Variants in PDE3A observed in about 807,000 individuals in gnomAD.
The protein encoded by PDE3A is phosphodiesterase 3A, also known as cGMP-inhibited 3',5'-cyclic phosphodiesterase 3A.
A neutral mutation model predicts 98.3 loss-of-function variants in PDE3A; 43 were observed. The ratio of observed to expected loss-of-function variants is 0.44; its 90% CI spans 0.34 to 0.56. PDE3A has a LOEUF of 0.56. PDE3A is among the 20% of genes least tolerant of loss of function. PDE3A has a pLI of 0.01. For synonymous variants in PDE3A, 663 were observed against 567.9 expected (o/e 1.17, Z -2.38); for missense variants, 1,427 against 1,440.7 (o/e 0.99, Z 0.15).
At chr12:20,590,871 C>T (rs1288241410) in intron 2 of PDE3A, among the ~76,000 whole-genome samples, 1 of 152,178 alleles carries the variant, frequency 6.6e-6, no homozygotes, top group Non-Finnish European at 1.5e-5. Flanking sequence ...ATGTGTGTTT[C>T]ATGTTTCTCC....
At chr12:20,652,744 A>AT (rs2121519099) in intron 14 of PDE3A, among the ~76,000 whole-genome samples, 1 of 152,270 alleles carries the variant, frequency 6.6e-6, no homozygotes, top group East Asian at 1.9e-4. Flanking sequence ...CCTAGGCAAT[A>AT]CCATTCAGGA....
At chr12:20,486,459 G>A (rs990159099) in intron 1 of PDE3A, among the ~76,000 whole-genome samples, 2 of 152,124 alleles carry the variant, frequency 1.3e-5, no homozygotes, top group Admixed American at 1.3e-4. Context: ...AATTCAAGAT[G>A]AGATTTTGAG....
chr12:20,391,056 T>G (rs949411595), intron 1 of PDE3A, among the ~76,000 whole-genome samples: 1 of 151,902 alleles, frequency 6.6e-6, no homozygotes, highest in South Asian at 2.1e-4. Flanking sequence ...CAATATACTG[T>G]TGTAACCTTT....
chr12:20,407,630 A>G lies in PDE3A; in HGVS notation c.960+37386A>G, dbSNP rs1477672519. On this transcript the variant is annotated intron_variant, in intron 1 of 15. Transcript: ENST00000359062. The stretch of plus-strand genomic sequence containing the variant: ...AGATGGGGTAGATGCAAGAAGATAT[A>G]CCAGCATTCCCAATTCCTTCCAATA... 2.6e-5 allele frequency among the ~76,000 whole-genome samples: 4 copies of G among 152,186 alleles called. No homozygotes were observed. The South Asian group carries it at 8.3e-4, about 31-fold the overall frequency.
In PDE3A at chr12:20,519,451, G is replaced by T. The variant is rs11045290; in HGVS notation, c.961-37209G>T. Reference sequence around the variant, plus strand: ...AATATATATCTCAATTTTGATATCCGCAATAATAAAGGATAGTGAATAAAA... The same window carrying T: ...AATATATATCTCAATTTTGATATCCTCAATAATAAAGGATAGTGAATAAAA... On this transcript the variant is annotated intron_variant, in intron 1 of 15. Coordinates refer to ENST00000359062, the MANE Select transcript of PDE3A (RefSeq NM_000921.5). Among the ~76,000 whole-genome samples the T allele has an allele frequency of 2.0e-3, 305 of 152,166 alleles. 1 individual carries two copies. In the East Asian group the frequency reaches 0.028, roughly 14 times the overall value.
intron 9 of PDE3A, among the ~76,000 whole-genome samples, chr12:20,639,229 TAA>T (rs1262688797): frequency 2.0e-5 from 3 of 152,084 alleles, no homozygotes; most frequent in Non-Finnish European, 4.4e-5. Context: ...AAATATTTTC[TAA>T]GAGTCATGGA....
intron 1 of PDE3A, among the ~76,000 whole-genome samples, chr12:20,387,046 T>C (rs1165850381): frequency 6.6e-6 from 1 of 152,150 alleles, no homozygotes; most frequent in African/African-American, 2.4e-5. Flanking sequence ...TGCCCATTGC[T>C]TGTTTTTGTC....
At chr12:20,390,792 T>G (rs1182232049) in intron 1 of PDE3A, among the ~76,000 whole-genome samples, 2 of 151,974 alleles carry the variant, frequency 1.3e-5, no homozygotes, top group East Asian at 3.9e-4. Flanking sequence ...TTTTCCTGAT[T>G]AGTATGTACA....
At chr12:20,417,827 G>A (rs1462197086) in intron 1 of PDE3A, among the ~76,000 whole-genome samples, 1 of 152,176 alleles carries the variant, frequency 6.6e-6, no homozygotes, top group Non-Finnish European at 1.5e-5. Context: ...TAATCTCTGA[G>A]TTTTGTTATA....
intron 2 of PDE3A, among the ~76,000 whole-genome samples, chr12:20,576,774 T>A (rs545381391): frequency 1.3e-5 from 2 of 152,274 alleles, no homozygotes; most frequent in African/African-American, 4.8e-5. Flanking sequence ...GAGAATGTTA[T>A]TTATCTTCCC....
intron 1 of PDE3A, among the ~76,000 whole-genome samples, chr12:20,392,056 A>G (rs990081403): frequency 6.6e-6 from 1 of 151,974 alleles, no homozygotes; most frequent in African/African-American, 2.4e-5. Context: ...AACACATACT[A>G]GGACTGCACT....
At chr12:20,528,480 G>A (rs930811412) in intron 1 of PDE3A, among the ~76,000 whole-genome samples, 3 of 152,214 alleles carry the variant, frequency 2.0e-5, no homozygotes, top group African/African-American at 7.2e-5. Flanking sequence ...ATGAATGAAA[G>A]CTTCTGCCTC....
At chr12:20,456,281 A>G (rs1945150052) in intron 1 of PDE3A, among the ~76,000 whole-genome samples, 1 of 152,168 alleles carries the variant, frequency 6.6e-6, no homozygotes, top group Non-Finnish European at 1.5e-5. Context: ...AGCAGGTAGA[A>G]TTTTAAAATG....
At chr12:20,468,709 G>C (rs1233482086) in intron 1 of PDE3A, among the ~76,000 whole-genome samples, 3 of 152,110 alleles carry the variant, frequency 2.0e-5, no homozygotes. Flanking sequence ...AACTTCTGTT[G>C]AGAGAAATTA....
At position 20,470,026 on chromosome 12, in the gene PDE3A, C is replaced by A. The variant is rs75742097; in HGVS notation, c.961-86634C>A. Among the ~76,000 whole-genome samples, 1,362 of 152,082 alleles carry A rather than the reference C, an allele frequency of 9.0e-3. 12 individuals are homozygous for A. The highest frequency in any genetic ancestry group is 9.5e-3 in the Non-Finnish European group (647 of 67,972). ...TCCTTGTTTTCTGAATTTATTAATA[C>A]TTCTATCTCCAAGTCTTCCTGGAAA... On this transcript the variant is annotated intron_variant, in intron 1 of 15. Coordinates refer to ENST00000359062, the MANE Select transcript of PDE3A (RefSeq NM_000921.5).
At chr12:20,596,461 A>C (rs1000618448) in intron 2 of PDE3A, among the ~76,000 whole-genome samples, 4 of 152,222 alleles carry the variant, frequency 2.6e-5, no homozygotes, top group Non-Finnish European at 4.4e-5. Flanking sequence ...TAATAAGATT[A>C]CAACTGAAAC....
chr12:20,444,766 A>T (rs1944927171), intron 1 of PDE3A, among the ~76,000 whole-genome samples: 1 of 152,224 alleles, frequency 6.6e-6, no homozygotes, highest in Non-Finnish European at 1.5e-5. Flanking sequence ...TGGTGCACTA[A>T]AACTAAATGG....
chr12:20,387,259 T>C (rs1383881553), intron 1 of PDE3A, among the ~76,000 whole-genome samples: 1 of 151,494 alleles, frequency 6.6e-6, no homozygotes, highest in Non-Finnish European at 1.5e-5. Flanking sequence ...GTGTGGGCTC[T>C]TTTTTTTGGT....
At chr12:20,477,540 T>C (rs1389231260) in intron 1 of PDE3A, among the ~76,000 whole-genome samples, 3 of 152,166 alleles carry the variant, frequency 2.0e-5, no homozygotes, top group Admixed American at 2.0e-4. Flanking sequence ...GTTAAGGCCG[T>C]AAGTCAAAGG....
Sources: gnomAD v4.1 joint callset for allele counts (sites outside exome capture counted in the v4.1 genomes callset) on GRCh38, gnomAD v4.1.1 for gene constraint, MANE v1.5 for transcripts, NCBI Gene and HGNC (gene_info 2026-07-23, HGNC 2026-07-21) for gene names.